TF: variants seen among roughly 807,000 people sequenced by gnomAD.
The protein encoded by TF is transferrin.
A neutral mutation model predicts 82.4 loss-of-function variants in TF; 55 were observed. The observed-to-expected ratio is 0.67, with a 90% CI of 0.54 to 0.84. TF has a LOEUF of 0.84. Ranked by LOEUF, TF falls within the 40% of genes least tolerant of loss-of-function variation. The pLI, the probability that TF is intolerant of heterozygous loss-of-function variation, is 0.00. For synonymous variants in TF, 332 were observed against 332.6 expected, an observed-to-expected ratio of 1.00 and a Z score of 0.02; for missense variants, 737 against 868.4, an observed-to-expected ratio of 0.85 and a Z score of 1.90.
chr3:133,674,723 C>T, the TF span, among the ~76,000 whole-genome samples: 1 of 146,490 alleles, frequency 6.8e-6, no homozygotes, highest in African/African-American at 2.5e-5. Flanking sequence ...AGCAGCGGGT[C>T]GGTCACAGCG....
intron 1 of TF, among the ~76,000 whole-genome samples, chr3:133,746,746 G>A (rs536935734): frequency 1.3e-5 from 2 of 152,202 alleles, no homozygotes; most frequent in East Asian, 3.9e-4. Context: ...ATCAGAGCAC[G>A]TCTAACCAGG....
At chr3:133,733,509 G>A in the TF span, among the ~76,000 whole-genome samples, 1 of 152,188 alleles carries the variant, frequency 6.6e-6, no homozygotes, top group Non-Finnish European at 1.5e-5. Flanking sequence ...TGGGCTCCAG[G>A]GTCAGTGGCC....
chr3:133,716,457 C>T, the TF span, among the ~76,000 whole-genome samples: 1 of 152,192 alleles, frequency 6.6e-6, no homozygotes, highest in African/African-American at 2.4e-5. Flanking sequence ...GCTTTCTGTG[C>T]CTGCCCTTGT....
chr3:133,744,630 G>T (rs1473723107), upstream of TF, among the ~76,000 whole-genome samples: 1 of 152,202 alleles, frequency 6.6e-6, no homozygotes, highest in Non-Finnish European at 1.5e-5. Context: ...GGCAAGGGGG[G>T]AGTAAGACAG....
Position 133,764,908 on chromosome 3 carries a change from G to T in TF, c.1330+1G>T. ...AATTGTGAGGATACACCAGAGGCAG[G>T]TGAGTTTGAATTGGTAACCTCTGGA... is the stretch of plus-strand genomic sequence containing the variant. On this transcript the variant is annotated splice_donor_variant, in intron 11 of 16. Coordinates refer to ENST00000402696, the MANE Select transcript of TF (RefSeq NM_001063.4). LOFTEE classifies it high-confidence loss of function. The T allele has an allele frequency of 1.2e-6, 2 of 1,613,936 alleles. No individual in the cohort carries two copies. Among genetic ancestry groups the T allele is most frequent in the Non-Finnish European group, 1.7e-6 (2 of 1,179,830 alleles).
chr3:133,686,285 T>C, the TF span, among the ~76,000 whole-genome samples: 2 of 152,176 alleles, frequency 1.3e-5, no homozygotes, highest in South Asian at 2.1e-4. Context: ...GACATAGGCA[T>C]GGGCAAGGAC....
chr3:133,757,121 G>C, intron 7 of TF, 112 bp downstream of exon 7: 3 of 1,401,552 alleles, frequency 2.1e-6, no homozygotes, highest in Non-Finnish European at 3.0e-6. Context: ...GGATACAGTG[G>C]GAGCCATGCC....
the TF span, among the ~76,000 whole-genome samples, chr3:133,728,167 G>C: frequency 6.6e-6 from 1 of 151,984 alleles, no homozygotes; most frequent in African/African-American, 2.4e-5. Flanking sequence ...TCTTTGTGGC[G>C]TTCTCTGTAT....
the TF span, among the ~76,000 whole-genome samples, chr3:133,737,677 A>G: frequency 3.3e-5 from 5 of 152,360 alleles, no homozygotes; most frequent in African/African-American, 7.2e-5. Flanking sequence ...AGAGAATACT[A>G]TAAACACCTC....
intron 1 of TF, chr3:133,747,427 C>T (rs1032207384): frequency 6.6e-6 from 1 of 152,320 alleles, no homozygotes. Context: ...GTGGCCATCC[C>T]TGGTGGCCCC....
At position 133,759,299 on chromosome 3, in the gene TF, G is replaced by A. The variant is rs150667627; in HGVS notation, c.1173G>A (p.Glu391=). The change falls in exon 9 of 17, where the codon GAG becomes GAA. Residue 391 remains glutamate, a synonymous_variant. Transcript: ENST00000402696. ...SVGKIECVSA[E]TTEDCIAKIM... is the part of the protein sequence containing the mutation. ...GGAAAATAGAGTGTGTATCAGCAGA[G>A]ACCACCGAAGACTGCATCGCCAAGA... The A allele has an allele frequency of 1.1e-4, 171 of 1,613,636 alleles. No individual in the cohort carries two copies. In the African/African-American group the frequency reaches 2.1e-3, roughly 20 times the overall value.
chr3:133,729,336 G>C, the TF span, among the ~76,000 whole-genome samples: 1 of 152,218 alleles, frequency 6.6e-6, no homozygotes, highest in Admixed American at 6.5e-5. Context: ...CAGCTGCTTT[G>C]TTTACCTAAG....
At chr3:133,755,709 T>A in intron 5 of TF, 1 of 633,066 alleles carries the variant, frequency 1.6e-6, no homozygotes, top group Non-Finnish European at 2.8e-6. Flanking sequence ...GTCCTTTTCC[T>A]GGGGACCCTT....
At chr3:133,671,561 A>T in the TF span, among the ~76,000 whole-genome samples, 2 of 152,112 alleles carry the variant, frequency 1.3e-5, no homozygotes, top group Non-Finnish European at 2.9e-5. Context: ...AGGCAGGCAG[A>T]TCACTTGAGG....
At chr3:133,664,794 C>G in the TF span, 5 of 150,796 alleles carry the variant, frequency 3.3e-5, no homozygotes, top group African/African-American at 4.9e-5. Context: ...ATTTTTGATC[C>G]CCGGTTGGTT....
the TF span, among the ~76,000 whole-genome samples, chr3:133,727,141 G>A: frequency 6.6e-6 from 1 of 152,192 alleles, no homozygotes; most frequent in African/African-American, 2.4e-5. Context: ...GTTGATTTGG[G>A]GTGGAGAGTT....
rs1479923640 is a variant in TF, at chr3:133,794,652, C to T, written c.*16032C>T. Reference sequence around the variant, plus strand: ...ACTTCTGGACTTTGAACTTTGGGTTCATGATCTCACAACTGAGAAGAGTCC... The same window carrying T: ...ACTTCTGGACTTTGAACTTTGGGTTTATGATCTCACAACTGAGAAGAGTCC... On this transcript the variant is annotated 3_prime_UTR_variant, in exon 17 of 17. Coordinates refer to ENST00000402696, the MANE Select transcript of TF (RefSeq NM_001063.4). 6.6e-6 allele frequency: 1 copy of T among 152,244 alleles called. No homozygotes were observed. The highest frequency in any genetic ancestry group is 1.9e-4 in the East Asian group (1 of 5,194). 9.4% of individuals were successfully genotyped at this position (152,244 alleles called of 1,614,324 possible).
At position 133,794,861 on chromosome 3, in the gene TF, G is replaced by A. The variant is rs1319664782; in HGVS notation, c.*16241G>A. The A allele has an allele frequency of 6.6e-6, 1 of 152,128 alleles. No individual in the cohort carries two copies. The highest frequency in any genetic ancestry group is 1.9e-4 in the East Asian group (1 of 5,194). The allele number at this position is 152,128 out of a possible 1,614,324, so 9.4% of individuals were successfully genotyped here. A position where few individuals can be genotyped will look rare whatever the true frequency, so the allele number is the denominator to read the frequency against. On this transcript the variant is annotated 3_prime_UTR_variant, in exon 17 of 17. Transcript: ENST00000402696. ...ATTTTTTCCTTGCTTTTGCCTCTAT[G>A]AAGAATAGAAGTGGAAAAAGGATCT...
chr3:133,751,058 C>T (rs1435290359), intron 2 of TF, among the ~76,000 whole-genome samples: 1 of 151,846 alleles, frequency 6.6e-6, no homozygotes, highest in Non-Finnish European at 1.5e-5. Flanking sequence ...GTTTTACAAC[C>T]CAAATATCCA....
Sources: allele counts gnomAD v4.1 joint callset (sites outside exome capture counted in the v4.1 genomes callset), GRCh38; gene constraint gnomAD v4.1.1; transcripts MANE v1.5; gene names NCBI Gene and HGNC (gene_info 2026-07-23, HGNC 2026-07-21).